Variants in GREM2 observed in about 807,000 individuals in gnomAD.
The protein encoded by GREM2 is gremlin 2, DAN family BMP antagonist.
GREM2 carries 11 observed loss-of-function variants against 14.2 expected under a neutral mutation model. That is an observed-to-expected ratio of 0.78 (90% confidence interval 0.49 to 1.28). GREM2 has a LOEUF of 1.28. Ranked by LOEUF, GREM2 falls within the 50% of genes most tolerant of loss-of-function variation. The pLI is 0.00. For missense variants in GREM2, 210 were observed against 218.5 expected (o/e 0.96, Z 0.24); for synonymous variants, 98 against 97.6 (o/e 1.00, Z -0.02).
chr1:240,595,529 A>G (rs552531577), intron 1 of GREM2, among the ~76,000 whole-genome samples: 1 of 152,178 alleles, frequency 6.6e-6, no homozygotes, highest in South Asian at 2.1e-4. Flanking sequence ...TTTTCCAGTT[A>G]TATTCCAAAT....
intron 1 of GREM2, among the ~76,000 whole-genome samples, chr1:240,562,953 T>A (rs1462005089): frequency 1.5e-5 from 2 of 136,396 alleles, no homozygotes; most frequent in East Asian, 2.1e-4. Flanking sequence ...TGAGTGTGTA[T>A]GTGTGTGAGT....
chr1:240,558,594 C>T (rs1422698969), intron 1 of GREM2, among the ~76,000 whole-genome samples: 1 of 152,028 alleles, frequency 6.6e-6, no homozygotes, highest in African/African-American at 2.4e-5. Context: ...TCACTGATTT[C>T]TATTAATCAG....
At chr1:240,602,049 C>T (rs1214425177) in intron 1 of GREM2, among the ~76,000 whole-genome samples, 3 of 152,116 alleles carry the variant, frequency 2.0e-5, no homozygotes, top group African/African-American at 7.2e-5. Flanking sequence ...AGTTCCATAA[C>T]CTTATGGATA....
At chr1:240,519,342 G>A (rs772431890) in intron 1 of GREM2, among the ~76,000 whole-genome samples, 17 of 145,826 alleles carry the variant, frequency 1.2e-4, no homozygotes, top group Non-Finnish European at 2.1e-4. Flanking sequence ...AACTTCTCTA[G>A]TTTTTTTTTT....
intron 1 of GREM2, among the ~76,000 whole-genome samples, chr1:240,498,732 C>G (rs1005434821): frequency 3.9e-5 from 6 of 152,198 alleles, no homozygotes; most frequent in Admixed American, 6.5e-5. Flanking sequence ...CACAATTAAC[C>G]TTTCAGGAAT....
chr1:240,560,020 C>T (rs962423230), intron 1 of GREM2, among the ~76,000 whole-genome samples: 7 of 152,138 alleles, frequency 4.6e-5, no homozygotes, highest in African/African-American at 1.7e-4. Flanking sequence ...CCCTGGAGCA[C>T]GCCTGTGGTC....
chr1:240,605,967 A>T (rs1453041170), intron 1 of GREM2, among the ~76,000 whole-genome samples: 1 of 152,110 alleles, frequency 6.6e-6, no homozygotes, highest in Non-Finnish European at 1.5e-5. Context: ...ATCATTTTAA[A>T]CATTTAGGAG....
At chr1:240,552,265 A>G (rs905470121) in intron 1 of GREM2, among the ~76,000 whole-genome samples, 1 of 152,116 alleles carries the variant, frequency 6.6e-6, no homozygotes, top group Non-Finnish European at 1.5e-5. Context: ...TCATTTTCTA[A>G]AAAACACATT....
At chr1:240,521,695 G>T (rs111838306) in intron 1 of GREM2, among the ~76,000 whole-genome samples, 2,004 of 152,300 alleles carry the variant, frequency 0.013, 39 homozygotes, top group African/African-American at 0.045. Flanking sequence ...TAGAGAACTT[G>T]CCTGGGGTCG....
intron 1 of GREM2, among the ~76,000 whole-genome samples, chr1:240,581,371 T>C (rs1275813161): frequency 6.6e-6 from 1 of 152,194 alleles, no homozygotes; most frequent in Non-Finnish European, 1.5e-5. Flanking sequence ...AGTTACCATC[T>C]GCCAAAATCA....
chr1:240,503,902 A>C (rs1572367372), intron 1 of GREM2, among the ~76,000 whole-genome samples: 1 of 152,258 alleles, frequency 6.6e-6, no homozygotes, highest in Non-Finnish European at 1.5e-5. Flanking sequence ...AGGGGTATTT[A>C]ATCTTTGTTT....
At chr1:240,532,186 T>C (rs2103315890) in intron 1 of GREM2, among the ~76,000 whole-genome samples, 1 of 151,480 alleles carries the variant, frequency 6.6e-6, no homozygotes, top group East Asian at 2.0e-4. Context: ...CAGGTTCAAG[T>C]GATTCTCCTG....
chr1:240,610,937 C>T (rs901448367), intron 1 of GREM2, among the ~76,000 whole-genome samples: 3 of 152,120 alleles, frequency 2.0e-5, no homozygotes, highest in Admixed American at 2.0e-4. Flanking sequence ...CCAGGAAAGA[C>T]TGAACTCATT....
At chr1:240,497,051 A>C (rs963729007) in intron 1 of GREM2, among the ~76,000 whole-genome samples, 1 of 152,000 alleles carries the variant, frequency 6.6e-6, no homozygotes, top group African/African-American at 2.4e-5. Context: ...CGAAATATGG[A>C]TACTATACAG....
chr1:240,554,269 G>A (rs1295748235), intron 1 of GREM2, among the ~76,000 whole-genome samples: 1 of 151,846 alleles, frequency 6.6e-6, no homozygotes, highest in East Asian at 1.9e-4. Context: ...AAATTAGCCG[G>A]GTGTGGTAGC....
intron 1 of GREM2, among the ~76,000 whole-genome samples, chr1:240,599,321 T>C (rs1679876099): frequency 6.6e-6 from 1 of 151,926 alleles, no homozygotes; most frequent in Non-Finnish European, 1.5e-5. Context: ...CTACTATTTA[T>C]TGGGAAGTCT....
rs527472168 is a variant in GREM2, at chr1:240,540,866, A to G, written c.-1-47390T>C. ...GTGAGCCACCACGCCAGGCCGCATA[A>G]TACTTCTTAAAAGAAGACAGTTACT... On this transcript the variant is annotated intron_variant, in intron 1 of 1. Coordinates refer to ENST00000318160, the MANE Select transcript of GREM2 (RefSeq NM_022469.4). The surrounding 1 kb of genome is among the most constrained non-coding windows in gnomAD (Gnocchi z 4.2). Among the ~76,000 whole-genome samples the G allele has an allele frequency of 2.0e-5, 3 of 152,176 alleles. No individual in the cohort carries two copies. In the East Asian group the frequency reaches 5.8e-4, roughly 30 times the overall value.
At chr1:240,507,507 A>G (rs1677705164) in intron 1 of GREM2, among the ~76,000 whole-genome samples, 1 of 152,044 alleles carries the variant, frequency 6.6e-6, no homozygotes, top group African/African-American at 2.4e-5. Context: ...TAATTTTTGT[A>G]TTTTTAGTAG....
chr1:240,490,848 A>G lies in GREM2; in HGVS notation c.*2121T>C, dbSNP rs888873868. On this transcript the variant is annotated 3_prime_UTR_variant, in exon 2 of 2. Transcript: ENST00000318160. ...AGAGACTCTCCTCCACTCACCTCCCAATCCACCCCTAGCCTCCATTACAAT... is the reference window on the plus strand; with the variant it reads ...AGAGACTCTCCTCCACTCACCTCCCGATCCACCCCTAGCCTCCATTACAAT... 6.6e-6 allele frequency: 1 copy of G among 152,076 alleles called. No individual in the cohort carries two copies. Among genetic ancestry groups the G allele is most frequent in the Non-Finnish European group, 1.5e-5 (1 of 68,032 alleles). The allele number at this position is 152,076 out of a possible 1,614,324, so 9.4% of individuals were successfully genotyped here.
Sources: allele counts gnomAD v4.1 joint callset (sites outside exome capture counted in the v4.1 genomes callset), GRCh38; gene constraint gnomAD v4.1.1; non-coding constraint Gnocchi (gnomAD v3.1); transcripts MANE v1.5; gene names NCBI Gene and HGNC (gene_info 2026-07-23, HGNC 2026-07-21).